The following FGF14 variants were observed in gnomAD, a reference collection of about 807,000 sequenced individuals.
FGF14 encodes the protein fibroblast growth factor homologous factor 4.
In FGF14, 5 loss-of-function variants were observed where a neutral mutation model predicts 25.5. The ratio of observed to expected loss-of-function variants is 0.20; its 90% CI spans 0.10 to 0.41. The LOEUF (loss-of-function observed/expected upper bound fraction) is 0.41. Ranked by LOEUF, FGF14 falls within the 10% of genes least tolerant of loss-of-function variation. FGF14 has a pLI of 1.00. For synonymous variants in FGF14, 138 were observed against 118.3 expected (o/e 1.17, Z -1.08); for missense variants, 222 against 320.1 (o/e 0.69, Z 2.34).
intron 3 of FGF14, among the ~76,000 whole-genome samples, chr13:101,784,384 A>G (rs946175430): frequency 2.0e-5 from 3 of 152,218 alleles, no homozygotes; most frequent in South Asian, 2.1e-4. Context: ...TGGGGAATAT[A>G]GTTTCTTCTT....
At chr13:101,842,838 A>G (rs1479862803) in intron 3 of FGF14, among the ~76,000 whole-genome samples, 1 of 152,010 alleles carries the variant, frequency 6.6e-6, no homozygotes, top group East Asian at 1.9e-4. Flanking sequence ...TACTTCAAAT[A>G]TCACTATAAC....
At chr13:101,818,774 T>C (rs554755290) in intron 3 of FGF14, among the ~76,000 whole-genome samples, 1 of 152,304 alleles carries the variant, frequency 6.6e-6, no homozygotes, top group South Asian at 2.1e-4. Context: ...AAGGTCTATT[T>C]CACCAAAGGA....
chr13:101,850,483 TATATATATATATATATATATA>T (rs1566310890), intron 3 of FGF14, among the ~76,000 whole-genome samples: 6 of 4,618 alleles, frequency 1.3e-3, no homozygotes, highest in African/African-American at 1.7e-3. Context: ...TATATATATA[TATATATATATATATATATATA>T]TATATATATA....
At chr13:102,169,695 T>C (rs1282974095) in intron 1 of FGF14, among the ~76,000 whole-genome samples, 1 of 152,172 alleles carries the variant, frequency 6.6e-6, no homozygotes, top group Non-Finnish European at 1.5e-5. Context: ...CTAAATCTGC[T>C]TAAAACCTCC....
At chr13:102,386,124 T>C (rs960505281) in intron 1 of FGF14, among the ~76,000 whole-genome samples, 12 of 151,620 alleles carry the variant, frequency 7.9e-5, no homozygotes, top group Non-Finnish European at 1.6e-4. Context: ...CCCAACAAAA[T>C]ATACAGTAAT....
intron 1 of FGF14, among the ~76,000 whole-genome samples, chr13:101,989,352 C>CA (rs1265232836): frequency 2.0e-5 from 3 of 152,028 alleles, no homozygotes; most frequent in African/African-American, 7.2e-5. Context: ...CTCCCACATG[C>CA]AAAACAATTA....
chr13:102,247,635 T>C (rs916851678), intron 1 of FGF14, among the ~76,000 whole-genome samples: 7 of 152,178 alleles, frequency 4.6e-5, no homozygotes, highest in African/African-American at 1.7e-4. Context: ...TTATACACTG[T>C]TGGAGGAAGT....
At chr13:102,149,889 C>T (rs1386136350) in intron 1 of FGF14, among the ~76,000 whole-genome samples, 1 of 152,122 alleles carries the variant, frequency 6.6e-6, no homozygotes, top group African/African-American at 2.4e-5. Flanking sequence ...CAATCACAGG[C>T]CCCTGTTCTA....
chr13:101,853,158 A>G (rs1188640151), intron 3 of FGF14, among the ~76,000 whole-genome samples: 1 of 152,054 alleles, frequency 6.6e-6, no homozygotes, highest in African/African-American at 2.4e-5. Flanking sequence ...AAAGATCAAA[A>G]TAACTATGGG....
At chr13:101,780,031 C>T (rs936790281) in intron 3 of FGF14, among the ~76,000 whole-genome samples, 6 of 152,106 alleles carry the variant, frequency 3.9e-5, no homozygotes, top group Admixed American at 1.3e-4. Flanking sequence ...GTCGCACATT[C>T]GGATTTTGAT....
intron 1 of FGF14, among the ~76,000 whole-genome samples, chr13:101,998,861 A>G (rs1377772292): frequency 6.6e-6 from 1 of 152,188 alleles, no homozygotes; most frequent in African/African-American, 2.4e-5. Context: ...CCATAAAATT[A>G]CACACATAGC....
At chr13:101,973,033 A>G (rs1050063620) in intron 1 of FGF14, among the ~76,000 whole-genome samples, 2 of 151,972 alleles carry the variant, frequency 1.3e-5, no homozygotes, top group Non-Finnish European at 2.9e-5. Context: ...ACTGAGTACT[A>G]TAGCCTCCTT....
rs149142942 is a variant in FGF14 at position 102,104,606 on chromosome 13, T to A, written c.209-229310A>T. Among the ~76,000 whole-genome samples, 863 of 152,066 alleles carry A rather than the reference T, an allele frequency of 5.7e-3. 5 individuals are homozygous for A. Among genetic ancestry groups the A allele is most frequent in the African/African-American group, 0.018 (732 of 41,460 alleles). Reference sequence around the variant, plus strand: ...GCCTGGGTAACATGGCAAAACCTCATCTCTACAAAAAATACACACACACAC... The same window carrying A: ...GCCTGGGTAACATGGCAAAACCTCAACTCTACAAAAAATACACACACACAC... On this transcript the variant is annotated intron_variant, in intron 1 of 4. Transcript: ENST00000376131.
At chr13:102,266,029 A>G (rs191514242) in intron 1 of FGF14, among the ~76,000 whole-genome samples, 1 of 152,252 alleles carries the variant, frequency 6.6e-6, no homozygotes, top group Non-Finnish European at 1.5e-5. Flanking sequence ...AAAAAAGACT[A>G]AGAAGACTAT....
At chr13:102,289,145 T>C (rs2054255569) in intron 1 of FGF14, among the ~76,000 whole-genome samples, 1 of 152,204 alleles carries the variant, frequency 6.6e-6, no homozygotes, top group African/African-American at 2.4e-5. Flanking sequence ...AATTAAAATT[T>C]GTTCATCACT....
At chr13:101,884,756 A>G (rs1455046960) in intron 1 of FGF14, among the ~76,000 whole-genome samples, 2 of 152,062 alleles carry the variant, frequency 1.3e-5, no homozygotes, top group African/African-American at 4.8e-5. Flanking sequence ...ATCTTGAGAA[A>G]AAAAGCATAC....
chr13:102,237,113 CTGT>C (rs1594529199), intron 1 of FGF14, among the ~76,000 whole-genome samples: 1 of 152,316 alleles, frequency 6.6e-6, no homozygotes, highest in East Asian at 1.9e-4. Context: ...CCCATCTTCT[CTGT>C]TGTTTGCTCA....
intron 1 of FGF14, among the ~76,000 whole-genome samples, chr13:102,173,830 G>A (rs935875201): frequency 6.6e-6 from 1 of 152,022 alleles, no homozygotes; most frequent in African/African-American, 2.4e-5. Flanking sequence ...TAGGGGTAGG[G>A]GGGTATGGGA....
intron 1 of FGF14, among the ~76,000 whole-genome samples, chr13:102,219,220 G>A (rs2050504312): frequency 6.6e-6 from 1 of 152,188 alleles, no homozygotes; most frequent in Non-Finnish European, 1.5e-5. Flanking sequence ...ACACTGGTTG[G>A]ATAAAAGACA....
Sources: gnomAD v4.1 joint callset for allele counts (sites outside exome capture counted in the v4.1 genomes callset) on GRCh38, gnomAD v4.1.1 for gene constraint, MANE v1.5 for transcripts, NCBI Gene and HGNC (gene_info 2026-07-23, HGNC 2026-07-21) for gene names.